Variants in RAP1A observed in about 807,000 individuals in gnomAD.
RAP1A encodes the protein RAP1A, member of RAS oncogene family, also known as ras-related protein Rap-1A.
Under a neutral mutation model 26.4 loss-of-function variants are expected in RAP1A, and 6 were observed. That is an observed-to-expected ratio of 0.23 (90% CI 0.12 to 0.45). RAP1A has a LOEUF of 0.45. Among genes scored for constraint, RAP1A ranks in the 20% least tolerant of loss-of-function variants. The pLI is 0.99. For missense variants in RAP1A, 121 were observed against 217.2 expected, an observed-to-expected ratio of 0.56 and a Z score of 2.78; for synonymous variants, 73 against 79.4, an observed-to-expected ratio of 0.92 and a Z score of 0.43.
At chr1:111,661,528 C>T (rs1660635729) in intron 1 of RAP1A, among the ~76,000 whole-genome samples, 1 of 152,158 alleles carries the variant, frequency 6.6e-6, no homozygotes. Context: ...GGGCCGGGCA[C>T]AGTGGCTCAT....
intron 1 of RAP1A, among the ~76,000 whole-genome samples, chr1:111,585,663 C>G (rs1658353583): frequency 6.6e-6 from 1 of 152,214 alleles, no homozygotes; most frequent in Non-Finnish European, 1.5e-5. Context: ...TAGCCACCCA[C>G]CTCTTAGGAT....
chr1:111,625,621 A>G (rs1659373837), intron 1 of RAP1A, among the ~76,000 whole-genome samples: 1 of 152,194 alleles, frequency 6.6e-6, no homozygotes, highest in African/African-American at 2.4e-5. Flanking sequence ...TAAGTTAAAT[A>G]TTGTAGCAGT....
chr1:111,585,685 A>G (rs532925935), intron 1 of RAP1A, among the ~76,000 whole-genome samples: 19 of 152,256 alleles, frequency 1.2e-4, no homozygotes, highest in Non-Finnish European at 2.4e-4. Context: ...CACTTTCCTC[A>G]TTTGCTAAAG....
intron 1 of RAP1A, among the ~76,000 whole-genome samples, chr1:111,582,838 G>A (rs1658284733): frequency 6.6e-6 from 1 of 152,200 alleles, no homozygotes; most frequent in African/African-American, 2.4e-5. Flanking sequence ...CTTTCAGATT[G>A]CTTGTCCTTT....
intron 1 of RAP1A, among the ~76,000 whole-genome samples, chr1:111,588,108 C>T (rs1305650658): frequency 6.6e-6 from 1 of 152,170 alleles, no homozygotes; most frequent in Non-Finnish European, 1.5e-5. Flanking sequence ...CCCCATAAGC[C>T]TGCTTCTCTT....
chr1:111,638,827 A>G (rs1010715650), intron 1 of RAP1A, among the ~76,000 whole-genome samples: 1 of 151,922 alleles, frequency 6.6e-6, no homozygotes, highest in Non-Finnish European at 1.5e-5. Flanking sequence ...AAGTAGGCAG[A>G]TAAGTCACAG....
chr1:111,653,763 G>A (rs1195940316), intron 1 of RAP1A, among the ~76,000 whole-genome samples: 1 of 150,566 alleles, frequency 6.6e-6, no homozygotes, highest in Non-Finnish European at 1.5e-5. Flanking sequence ...TTTAACCAGA[G>A]ATTAAGTAGT....
chr1:111,702,550 A>G (rs1311439205), intron 4 of RAP1A, among the ~76,000 whole-genome samples: 1 of 152,108 alleles, frequency 6.6e-6, no homozygotes, highest in East Asian at 1.9e-4. Context: ...GGGGAAAATG[A>G]AAATACATGA....
intron 1 of RAP1A, among the ~76,000 whole-genome samples, chr1:111,565,977 G>A (rs967144522): frequency 6.6e-6 from 1 of 152,060 alleles, no homozygotes; most frequent in Non-Finnish European, 1.5e-5. Flanking sequence ...ATCACAAAGA[G>A]AGCATGGCAC....
Position 111,697,636 on chromosome 1 carries a change from T to C in RAP1A, c.183+139T>C. ...AGAAATTCTCTGAACATAGGGATTCTTAAGTATATGAAATCAACTCTGATG... is the reference window on the plus strand; with the variant it reads ...AGAAATTCTCTGAACATAGGGATTCCTAAGTATATGAAATCAACTCTGATG... On this transcript the variant is annotated intron_variant, in intron 4 of 7. Transcript: ENST00000369709. 9 of 1,454,460 alleles carry C rather than the reference T, an allele frequency of 6.2e-6. No homozygotes were observed. The South Asian group carries it at 1.3e-4, about 21-fold the overall frequency. The allele number at this position is 1,454,460 out of a possible 1,614,324, so 90.1% of individuals were successfully genotyped here.
At chr1:111,610,984 C>A (rs1449681548) in intron 1 of RAP1A, among the ~76,000 whole-genome samples, 1 of 152,020 alleles carries the variant, frequency 6.6e-6, no homozygotes, top group East Asian at 1.9e-4. Context: ...TATTCCAAGC[C>A]CATTGCCCTT....
At chr1:111,568,288 G>C (rs1021567836) in intron 1 of RAP1A, among the ~76,000 whole-genome samples, 1 of 152,164 alleles carries the variant, frequency 6.6e-6, no homozygotes, top group Non-Finnish European at 1.5e-5. Context: ...TCTCTACTCA[G>C]CTTCTAGTGA....
At chr1:111,549,376 C>T (rs531318240) in intron 1 of RAP1A, among the ~76,000 whole-genome samples, 5 of 148,098 alleles carry the variant, frequency 3.4e-5, no homozygotes, top group East Asian at 3.9e-4. Context: ...GGGCTGGGCA[C>T]GGTGGCTCAC....
intron 1 of RAP1A, among the ~76,000 whole-genome samples, chr1:111,603,269 G>T (rs914971665): frequency 6.6e-6 from 1 of 152,332 alleles, no homozygotes; most frequent in East Asian, 1.9e-4. Context: ...GAACGCCACC[G>T]ATCTGGTCCT....
chr1:111,634,678 C>A (rs887524581), intron 1 of RAP1A, among the ~76,000 whole-genome samples: 3 of 151,800 alleles, frequency 2.0e-5, no homozygotes, highest in Non-Finnish European at 4.4e-5. Context: ...TGGAGTCTCA[C>A]TCTGTTGCCA....
At chr1:111,563,906 C>T (rs769258386) in intron 1 of RAP1A, 1 of 1,613,910 alleles carries the variant, frequency 6.2e-7, no homozygotes, top group East Asian at 2.2e-5. Flanking sequence ...GGAGCTTTCC[C>T]ACCTGGCCTC....
chr1:111,553,001 G>A (rs953030638), intron 1 of RAP1A, among the ~76,000 whole-genome samples: 7 of 152,178 alleles, frequency 4.6e-5, no homozygotes, highest in African/African-American at 1.4e-4. Context: ...ACTGACAACA[G>A]GTAAGAGCTC....
chr1:111,703,622 C>A, intron 5 of RAP1A, 146 bp downstream of exon 5: 2 of 711,282 alleles, frequency 2.8e-6, no homozygotes, highest in East Asian at 3.1e-5. Flanking sequence ...AAAAATTTAA[C>A]TTTCAAAATT....
chr1:111,651,950 G>A (rs74324798), intron 1 of RAP1A, among the ~76,000 whole-genome samples: 1 of 142,242 alleles, frequency 7.0e-6, no homozygotes, highest in African/African-American at 2.7e-5. Context: ...TTTTTTTTTT[G>A]TGCAAAAAGT....
Sources: gnomAD v4.1 joint callset for allele counts (sites outside exome capture counted in the v4.1 genomes callset) on GRCh38, gnomAD v4.1.1 for gene constraint, MANE v1.5 for transcripts, NCBI Gene and HGNC (gene_info 2026-07-23, HGNC 2026-07-21) for gene names.